The following CRCP variants were observed in gnomAD, a reference collection of about 807,000 sequenced individuals.
CRCP encodes CGRP receptor component, also known as DNA-directed RNA polymerase III subunit RPC9.
In CRCP, 18 loss-of-function variants were observed where a neutral mutation model predicts 18.5. The ratio of observed to expected loss-of-function variants is 0.97; its 90% confidence interval spans 0.67 to 1.44. The LOEUF is 1.44. Among genes scored for constraint, CRCP ranks in the 40% most tolerant of loss-of-function variants. CRCP has a pLI of 0.00. For synonymous variants in CRCP, 53 were observed against 62.9 expected (o/e 0.84, Z 0.75); for missense variants, 130 against 176.4 (o/e 0.74, Z 1.49).
At chr7:66,136,841 A>G (rs1787985010) in intron 4 of CRCP, among the ~76,000 whole-genome samples, 1 of 151,746 alleles carries the variant, frequency 6.6e-6, no homozygotes, top group South Asian at 2.1e-4. Flanking sequence ...GCACTTTGGG[A>G]GGCTGAGGCA....
rs540362314 is a variant in CRCP at position 66,131,621 on chromosome 7, T to C, written c.144+779T>C. On this transcript the variant is annotated intron_variant, in intron 3 of 5. Coordinates refer to ENST00000395326, the MANE Select transcript of CRCP (RefSeq NM_014478.5). ...AGGCTATTATTTTTCAAGTTTGAGA[T>C]TCCTTCCAAAATATGTAATTATAAT... Among the ~76,000 whole-genome samples, 21 of 152,218 alleles carry C rather than the reference T, an allele frequency of 1.4e-4. 1 individual carries two copies. In the South Asian group the frequency reaches 4.4e-3, roughly 32 times the overall value.
At chr7:66,134,028 T>G (rs1787893624) in intron 3 of CRCP, among the ~76,000 whole-genome samples, 1 of 151,788 alleles carries the variant, frequency 6.6e-6, no homozygotes, top group African/African-American at 2.4e-5. Flanking sequence ...CCAGCTAATT[T>G]TTTGTATTTT....
chr7:66,141,309 A>T (rs1435332042), intron 4 of CRCP, among the ~76,000 whole-genome samples: 4 of 152,048 alleles, frequency 2.6e-5, no homozygotes, highest in African/African-American at 9.7e-5. Flanking sequence ...CAAATACTAG[A>T]TCTTATTCAT....
At chr7:66,138,792 C>A (rs1413659140) in intron 4 of CRCP, among the ~76,000 whole-genome samples, 172 of 131,358 alleles carry the variant, frequency 1.3e-3, no homozygotes, top group Admixed American at 1.4e-3. Context: ...GACTCCGTCT[C>A]AAAAAAAAAA....
intron 1 of CRCP, among the ~76,000 whole-genome samples, chr7:66,121,417 T>A (rs1218450322): frequency 1.3e-5 from 2 of 152,116 alleles, no homozygotes; most frequent in African/African-American, 2.4e-5. Flanking sequence ...TAAAAATTTC[T>A]TGACCATTAC....
chr7:66,130,698 A>G (rs1787773382), intron 2 of CRCP, 46 bp from the exon 3 acceptor site: 2 of 1,158,358 alleles, frequency 1.7e-6, no homozygotes, highest in Non-Finnish European at 2.6e-6. Flanking sequence ...GGATAGATAT[A>G]TTTCTCAAAT....
At chr7:66,127,078 C>G (rs145211869) in intron 1 of CRCP, among the ~76,000 whole-genome samples, 115 of 152,350 alleles carry the variant, frequency 7.5e-4, no homozygotes, top group Non-Finnish European at 1.4e-3. Context: ...GAACCCAAAT[C>G]TGATTTCAAA....
At chr7:66,126,820 G>A (rs907353375) in intron 1 of CRCP, among the ~76,000 whole-genome samples, 1 of 149,260 alleles carries the variant, frequency 6.7e-6, no homozygotes, top group African/African-American at 2.4e-5. Flanking sequence ...CATGTTTCCA[G>A]TGAACCCTGT....
chr7:66,136,948 G>A (rs1399277673), intron 4 of CRCP, among the ~76,000 whole-genome samples: 1 of 151,576 alleles, frequency 6.6e-6, no homozygotes, highest in African/African-American at 2.4e-5. Context: ...GTGTGGTGAC[G>A]GGGGCGCCTG....
At chr7:66,121,839 A>G (rs1430107937) in intron 1 of CRCP, among the ~76,000 whole-genome samples, 1 of 152,138 alleles carries the variant, frequency 6.6e-6, no homozygotes, top group Non-Finnish European at 1.5e-5. Context: ...ACTCATATTT[A>G]GAAAAGGTGG....
intron 5 of CRCP, among the ~76,000 whole-genome samples, chr7:66,147,718 T>C (rs908571726): frequency 7.2e-5 from 11 of 152,180 alleles, no homozygotes; most frequent in Admixed American, 5.2e-4. Flanking sequence ...TAGCAAATTG[T>C]TTACCAAGGT....
intron 4 of CRCP, among the ~76,000 whole-genome samples, chr7:66,136,677 T>C (rs1787980921): frequency 6.6e-6 from 1 of 152,078 alleles, no homozygotes; most frequent in Non-Finnish European, 1.5e-5. Context: ...GTATACATTT[T>C]TGAATTGACT....
intron 4 of CRCP, among the ~76,000 whole-genome samples, chr7:66,143,417 C>T (rs1229551575): frequency 6.6e-6 from 1 of 152,174 alleles, no homozygotes; most frequent in East Asian, 1.9e-4. Flanking sequence ...ATGTCCCACC[C>T]CTCTCTAGCT....
intron 4 of CRCP, among the ~76,000 whole-genome samples, chr7:66,138,454 CTGT>C (rs1033043225): frequency 1.3e-5 from 2 of 151,828 alleles, no homozygotes; most frequent in Non-Finnish European, 2.9e-5. Flanking sequence ...CCTCTGGCTG[CTGT>C]TAAGATTTTT....
At chr7:66,117,132 A>C (rs908280163) in intron 1 of CRCP, among the ~76,000 whole-genome samples, 74 of 151,928 alleles carry the variant, frequency 4.9e-4, no homozygotes, top group African/African-American at 1.7e-3. Context: ...AAAAAAAAAA[A>C]AAAAACCTGA....
chr7:66,150,641 T>A (rs915925217), intron 5 of CRCP: 1 of 151,868 alleles, frequency 6.6e-6, no homozygotes, highest in Non-Finnish European at 1.5e-5. Context: ...TAAAGGGAGG[T>A]GGTCAGACTG....
At chr7:66,124,392 A>AAT (rs1787555133) in intron 1 of CRCP, among the ~76,000 whole-genome samples, 1 of 152,110 alleles carries the variant, frequency 6.6e-6, no homozygotes, top group Non-Finnish European at 1.5e-5. Context: ...GAATGCCACA[A>AAT]ATACCTGTAT....
At chr7:66,149,997 G>A (rs574990043) in intron 5 of CRCP, among the ~76,000 whole-genome samples, 84 of 152,064 alleles carry the variant, frequency 5.5e-4, no homozygotes, top group African/African-American at 1.9e-3. Context: ...TAGTAGAGAC[G>A]GGGTTTCACT....
Position 66,114,908 on chromosome 7 carries a change from G to A in CRCP, c.-55G>A. The A allele has an allele frequency of 1.2e-6, 2 of 1,611,090 alleles. No individual in the cohort carries two copies. ...GCTGTTGGTGGCGGCGGAGACAGCTGTGAAGTGTGAGGTTCTTTGTCTGCT... is the reference window on the plus strand; with the variant it reads ...GCTGTTGGTGGCGGCGGAGACAGCTATGAAGTGTGAGGTTCTTTGTCTGCT... On this transcript the variant is annotated 5_prime_UTR_variant, in exon 1 of 6. In the 5' UTR this introduces an upstream ATG that the reference lacks. Transcript: ENST00000395326.
Sources: allele counts gnomAD v4.1 joint callset (sites outside exome capture counted in the v4.1 genomes callset), GRCh38; gene constraint gnomAD v4.1.1; transcripts MANE v1.5; gene names NCBI Gene and HGNC (gene_info 2026-07-23, HGNC 2026-07-21).